Variants in RPS6KC1 observed in about 807,000 individuals in gnomAD.
RPS6KC1 encodes inactive ribosomal protein S6 kinase delta-1.
RPS6KC1 carries 54 observed loss-of-function variants against 103.8 expected under a neutral mutation model. The observed-to-expected ratio is 0.52, with a 90% confidence interval of 0.42 to 0.65. The LOEUF (loss-of-function observed/expected upper bound fraction) is 0.65, where lower values mean the gene tolerates loss of function less well. RPS6KC1 is among the 30% of genes least tolerant of loss of function. The pLI is 0.00. For synonymous variants in RPS6KC1, 439 were observed against 438.7 expected, an observed-to-expected ratio of 1.00 and a Z score of -0.01; for missense variants, 1,151 against 1,253.8, an observed-to-expected ratio of 0.92 and a Z score of 1.24.
chr1:213,692,002 G>A, the RPS6KC1 span, among the ~76,000 whole-genome samples: 3 of 152,326 alleles, frequency 2.0e-5, no homozygotes, highest in Non-Finnish European at 4.4e-5. Context: ...ATGGGTTGTT[G>A]CAGCAACCTC....
chr1:213,327,544 T>C, the RPS6KC1 span, among the ~76,000 whole-genome samples: 2 of 152,162 alleles, frequency 1.3e-5, no homozygotes, highest in Non-Finnish European at 2.9e-5. Context: ...AACTTCATTT[T>C]CTCTGTGAAG....
chr1:213,389,603 C>G, the RPS6KC1 span, among the ~76,000 whole-genome samples: 1 of 152,212 alleles, frequency 6.6e-6, no homozygotes, highest in East Asian at 1.9e-4. Context: ...ACCAGTGTCA[C>G]CCCCGAGGCC....
intron 8 of RPS6KC1, among the ~76,000 whole-genome samples, chr1:213,179,734 C>A (rs78773779): frequency 0.044 from 6,687 of 152,116 alleles, 238 homozygotes; most frequent in African/African-American, 0.094. Flanking sequence ...ATTTCACAAA[C>A]TTTTATGTAG....
chr1:213,738,715 C>G, the RPS6KC1 span, among the ~76,000 whole-genome samples: 1 of 151,708 alleles, frequency 6.6e-6, no homozygotes, highest in African/African-American at 2.4e-5. Flanking sequence ...TAAAATAAGG[C>G]CGGGTGTGGT....
At chr1:213,618,352 A>T in the RPS6KC1 span, among the ~76,000 whole-genome samples, 1 of 152,330 alleles carries the variant, frequency 6.6e-6, no homozygotes, top group Non-Finnish European at 1.5e-5. Context: ...GCAAGTATGG[A>T]GTGCTCAGGA....
At chr1:213,311,514 G>A in the RPS6KC1 span, among the ~76,000 whole-genome samples, 7 of 152,220 alleles carry the variant, frequency 4.6e-5, no homozygotes, top group African/African-American at 1.4e-4. Flanking sequence ...CCTGCATTGT[G>A]GCCAGAAGGG....
chr1:213,108,265 A>T (rs990333458), intron 4 of RPS6KC1, among the ~76,000 whole-genome samples: 1 of 152,082 alleles, frequency 6.6e-6, no homozygotes, highest in Non-Finnish European at 1.5e-5. Flanking sequence ...AGTTCATTTT[A>T]TATACGGTGT....
intron 1 of RPS6KC1, among the ~76,000 whole-genome samples, chr1:213,058,401 A>T (rs2077531944): frequency 6.7e-6 from 1 of 149,286 alleles, no homozygotes. Context: ...ATTTCTTTGC[A>T]TTTTATATTT....
At chr1:213,071,399 G>A (rs914762148) in intron 2 of RPS6KC1, among the ~76,000 whole-genome samples, 1 of 152,174 alleles carries the variant, frequency 6.6e-6, no homozygotes, top group Non-Finnish European at 1.5e-5. Context: ...AAAGTGCTGG[G>A]ATTACAGACG....
intron 8 of RPS6KC1, among the ~76,000 whole-genome samples, chr1:213,179,666 G>A (rs1018019481): frequency 5.3e-5 from 8 of 152,058 alleles, no homozygotes; most frequent in African/African-American, 1.9e-4. Context: ...GTTATTTTGA[G>A]TGCTATCTAT....
the RPS6KC1 span, among the ~76,000 whole-genome samples, chr1:213,415,441 T>C: frequency 6.6e-6 from 1 of 152,234 alleles, no homozygotes; most frequent in Non-Finnish European, 1.5e-5. Context: ...CGGTTCTGCT[T>C]TGAGTCATTT....
chr1:213,634,843 T>C, the RPS6KC1 span, among the ~76,000 whole-genome samples: 1 of 151,596 alleles, frequency 6.6e-6, no homozygotes, highest in Non-Finnish European at 1.5e-5. Flanking sequence ...AGCTGGTTTT[T>C]TGAAAAGATC....
At chr1:213,160,660 C>G (rs1198580288) in intron 6 of RPS6KC1, among the ~76,000 whole-genome samples, 1 of 109,212 alleles carries the variant, frequency 9.2e-6, no homozygotes, top group Non-Finnish European at 2.1e-5. Flanking sequence ...ACATGGAATA[C>G]TATGCAGCCA....
At chr1:213,681,621 AC>A in the RPS6KC1 span, among the ~76,000 whole-genome samples, 2 of 152,108 alleles carry the variant, frequency 1.3e-5, no homozygotes, top group African/African-American at 4.8e-5. Flanking sequence ...ATGTAGCAAG[AC>A]CTTGTCTCTA....
At chr1:213,395,298 T>A in the RPS6KC1 span, among the ~76,000 whole-genome samples, 2 of 152,310 alleles carry the variant, frequency 1.3e-5, no homozygotes, top group East Asian at 3.9e-4. Flanking sequence ...GATGTGATCA[T>A]GTTTGTAAAG....
At position 213,077,818 on chromosome 1, in the gene RPS6KC1, T is replaced by G; in HGVS notation, c.262+2T>G. ...CATTTGCTAAAGGAATAGTGTTTGGTAAGTGATTATTTTGAAATTGTAATT... is the reference window on the plus strand; with the variant it reads ...CATTTGCTAAAGGAATAGTGTTTGGGAAGTGATTATTTTGAAATTGTAATT... On this transcript the variant is annotated splice_donor_variant, in intron 3 of 14. Coordinates refer to ENST00000366960, the MANE Select transcript of RPS6KC1 (RefSeq NM_012424.6). LOFTEE classifies it high-confidence loss of function. 1.3e-6 allele frequency: 2 copies of G among 1,510,532 alleles called. No homozygotes were observed. The highest frequency in any genetic ancestry group is 1.8e-6 in the Non-Finnish European group (2 of 1,123,918). 93.6% of individuals were successfully genotyped at this position (1,510,532 alleles called of 1,614,324 possible).
the RPS6KC1 span, among the ~76,000 whole-genome samples, chr1:213,291,112 A>C: frequency 2.0e-5 from 3 of 152,222 alleles, no homozygotes; most frequent in South Asian, 6.2e-4. Flanking sequence ...AGCAACTCTG[A>C]AGCTACCACA....
chr1:213,663,934 A>T, the RPS6KC1 span, among the ~76,000 whole-genome samples: 132 of 152,310 alleles, frequency 8.7e-4, no homozygotes, highest in African/African-American at 3.1e-3. Flanking sequence ...ACTTCCATGC[A>T]TGGTGCACTA....
chr1:213,358,590 G>C, the RPS6KC1 span, among the ~76,000 whole-genome samples: 1 of 152,170 alleles, frequency 6.6e-6, no homozygotes, highest in African/African-American at 2.4e-5. Flanking sequence ...ACCAGCTCCT[G>C]GATTCACTGA....
Sources: gnomAD v4.1 joint callset for allele counts (sites outside exome capture counted in the v4.1 genomes callset) on GRCh38, gnomAD v4.1.1 for gene constraint, MANE v1.5 for transcripts, NCBI Gene and HGNC (gene_info 2026-07-23, HGNC 2026-07-21) for gene names.